The following GAS2L1 variants were observed in gnomAD, a reference collection of about 807,000 sequenced individuals.
GAS2L1 encodes the protein GAS2-like protein 1.
In GAS2L1, 26 loss-of-function variants were observed where a neutral mutation model predicts 44.0. The ratio of observed to expected loss-of-function variants is 0.59; its 90% CI spans 0.43 to 0.82. The LOEUF (loss-of-function observed/expected upper bound fraction) is 0.82, where lower values mean the gene tolerates loss of function less well. Among genes scored for constraint, GAS2L1 ranks in the 40% least tolerant of loss-of-function variants. The pLI, the probability that GAS2L1 is intolerant of heterozygous loss-of-function variation, is 0.00. For missense variants in GAS2L1, 1,006 were observed against 983.0 expected (o/e 1.02, Z -0.31); for synonymous variants, 426 against 415.9 (o/e 1.02, Z -0.30).
chr22:29,308,008 G>A, exon 1 of GAS2L1: 1 of 962,894 alleles, frequency 1.0e-6, no homozygotes, highest in Non-Finnish European at 1.4e-6. Flanking sequence ...ACAGACTGGT[G>A]CAGGTGGCCA....
In GAS2L1 at chr22:29,310,805, T is replaced by C. The variant is rs763549289; in HGVS notation, c.839-22T>C. On this transcript the variant is annotated intron_variant, in intron 3 of 4. Coordinates refer to ENST00000618518, the Ensembl canonical transcript of GAS2L1. ...TTCTGTGGCTCTGTCCCTCACATGC[T>C]GCCTGTCCTCTCTCCCCGCAGCTCA... The C allele has an allele frequency of 9.3e-6, 15 of 1,607,386 alleles. No individual in the cohort carries two copies. In the East Asian group the frequency reaches 3.3e-4, roughly 36 times the overall value.
exon 5 of GAS2L1, chr22:29,312,607 G>C: frequency 1.4e-6 from 1 of 739,696 alleles, no homozygotes; most frequent in Non-Finnish European, 2.1e-6. Context: ...GACCTCATGG[G>C]ACCAGACCCC....
At chr22:29,309,354 C>T (rs1440245599) in intron 1 of GAS2L1, among the ~76,000 whole-genome samples, 2 of 152,236 alleles carry the variant, frequency 1.3e-5, no homozygotes, top group African/African-American at 2.4e-5. Flanking sequence ...CTGGGCCCTG[C>T]CCCCAAGTCT....
Position 29,311,694 on chromosome 22 carries a change from C to CG in GAS2L1, c.1249dup (p.Ala417GlyfsTer117). On this transcript the variant is annotated frameshift_variant, in exon 5 of 5. Transcript: ENST00000618518. LOFTEE classifies it high-confidence loss of function. ...AGACCGGCTGGATCGCGGCCGGCCC[C>CG]GGGGGGCCCCAGGAGGCAGGGGAGC... 1.3e-6 allele frequency: 2 copies of CG among 1,524,686 alleles called. No individual in the cohort carries two copies. The highest frequency in any genetic ancestry group is 1.8e-6 in the Non-Finnish European group (2 of 1,141,190). The allele number at this position is 1,524,686 out of a possible 1,614,324, so 94.4% of individuals were successfully genotyped here. A position where few individuals can be genotyped will look rare whatever the true frequency, so the allele number is the denominator to read the frequency against.
upstream of GAS2L1, chr22:29,307,046 G>C (rs1025320323): frequency 1.3e-5 from 2 of 151,656 alleles, no homozygotes; most frequent in Admixed American, 1.3e-4. Context: ...AGGAGGCCGC[G>C]GCGCGGGACG....
At chr22:29,312,311 C>T in exon 5 of GAS2L1, 1 of 1,607,328 alleles carries the variant, frequency 6.2e-7, no homozygotes, top group Non-Finnish European at 8.5e-7. Context: ...CACCTGGGAG[C>T]CCCCTGGCTT....
rs553964884 is a variant in GAS2L1 at position 29,311,507 on chromosome 22, C to T, written c.1056C>T (p.Ser352=). The change falls in exon 5 of 5, where the codon TCC becomes TCT. Residue 352 remains serine (S), a synonymous_variant. Transcript: ENST00000618518. Reference sequence around the variant, plus strand: ...CCCATCCCCGCTCCCGCCGCTACTCCGGGGACAGTGACTCCTCAGCCTCCT... The same window carrying T: ...CCCATCCCCGCTCCCGCCGCTACTCTGGGGACAGTGACTCCTCAGCCTCCT... 598 of 1,531,518 alleles carry T rather than the reference C, an allele frequency of 3.9e-4. 9 individuals carry two copies. The South Asian group carries it at 6.7e-3, about 17-fold the overall frequency. The allele number at this position is 1,531,518 out of a possible 1,614,324, so 94.9% of individuals were successfully genotyped here.
chr22:29,310,856 A>G, exon 4 of GAS2L1: 1 of 1,612,342 alleles, frequency 6.2e-7, no homozygotes, highest in Non-Finnish European at 8.5e-7. Flanking sequence ...GAGGGTCTGC[A>G]CCTTTTCTCC....
chr22:29,308,934 C>T (rs1334100877), intron 1 of GAS2L1, among the ~76,000 whole-genome samples, 196 bp downstream of exon 2: 2 of 152,196 alleles, frequency 1.3e-5, no homozygotes, highest in Admixed American at 1.3e-4. Context: ...AGGGAGGTGC[C>T]GGGGAGATGA....
chr22:29,308,625 GC>G lies in GAS2L1; in HGVS notation c.525del (p.Asn176ThrfsTer25). The G allele has an allele frequency of 6.3e-7, 1 of 1,583,840 alleles. No homozygotes were observed. The highest frequency in any genetic ancestry group is 8.6e-7 in the Non-Finnish European group (1 of 1,163,494). On this transcript the variant is annotated frameshift_variant, in exon 1 of 5. Transcript: ENST00000618518. LOFTEE classifies it high-confidence loss of function. ...GCGGGAGCTGCGTGCTGCACCCCCA[GC>G]CCCCAACGCCCCTGCCGCTGGGGAG...
At chr22:29,311,643 C>T (rs1445975693) in exon 5 of GAS2L1, 1 of 1,534,310 alleles carries the variant, frequency 6.5e-7, no homozygotes, top group Non-Finnish European at 8.7e-7. Flanking sequence ...TCCGAGACGG[C>T]CTCCTGCCCT....
In GAS2L1 at chr22:29,308,865, G is replaced by A. The variant is rs995446860; in HGVS notation, c.633+127G>A. On this transcript the variant is annotated intron_variant, in intron 1 of 4. Coordinates refer to ENST00000618518, the Ensembl canonical transcript of GAS2L1. ...TCTGCCCCACAAAAAGAGTGCACAT[G>A]TTGAGCACCAAACCGAGGAATGTAT... 8 of 716,210 alleles carry A rather than the reference G, an allele frequency of 1.1e-5. No individual in the cohort carries two copies. In the African/African-American group the frequency reaches 1.3e-4, roughly 11 times the overall value. The allele number at this position is 716,210 out of a possible 1,614,324, so 44.4% of individuals were successfully genotyped here. A position where few individuals can be genotyped will look rare whatever the true frequency, so the allele number is the denominator to read the frequency against.
chr22:29,308,235 G>A (rs1258316851), exon 1 of GAS2L1: 1 of 1,609,082 alleles, frequency 6.2e-7, no homozygotes, highest in African/African-American at 1.3e-5. Flanking sequence ...GTACGGCCTG[G>A]GTCTCCCGGG....
exon 4 of GAS2L1, chr22:29,310,912 C>T: frequency 1.2e-6 from 2 of 1,613,582 alleles, no homozygotes; most frequent in Non-Finnish European, 1.7e-6. Context: ...CTAGCCCAGT[C>T]CCTGGGAGTG....
At chr22:29,308,894 T>C (rs1360338035) in intron 1 of GAS2L1, among the ~76,000 whole-genome samples, 156 bp downstream of exon 2, 2 of 152,194 alleles carry the variant, frequency 1.3e-5, no homozygotes, top group East Asian at 3.9e-4. Context: ...AATGTATACC[T>C]GACCCCAAGG....
chr22:29,310,464 C>T, exon 2 of GAS2L1: 1 of 1,608,666 alleles, frequency 6.2e-7, no homozygotes, highest in Admixed American at 1.7e-5. Context: ...GGCCGCTGCA[C>T]CTGCCCTGAC....
exon 4 of GAS2L1, chr22:29,310,954 C>G (rs375963140): frequency 8.1e-6 from 13 of 1,613,542 alleles, no homozygotes; most frequent in Non-Finnish European, 1.0e-5. Flanking sequence ...AGATGACTCC[C>G]GTTAGCTTAC....
chr22:29,311,483 C>T (rs1295632705), exon 5 of GAS2L1: 6 of 1,467,452 alleles, frequency 4.1e-6, no homozygotes, highest in Non-Finnish European at 5.5e-6. Flanking sequence ...AGCTGCCCCC[C>T]CATCCCCGCT....
At chr22:29,309,318 T>G (rs906507218) in intron 1 of GAS2L1, among the ~76,000 whole-genome samples, 2 of 152,196 alleles carry the variant, frequency 1.3e-5, no homozygotes, top group African/African-American at 4.8e-5. Context: ...ATTACAGGAT[T>G]CGTTCTACTC....
Sources: gnomAD v4.1 joint callset for allele counts (sites outside exome capture counted in the v4.1 genomes callset) on GRCh38, gnomAD v4.1.1 for gene constraint, MANE v1.5 for transcripts, NCBI Gene and HGNC (gene_info 2026-07-23, HGNC 2026-07-21) for gene names.